The following RAB30 variants were observed in gnomAD, a reference collection of about 807,000 sequenced individuals.
RAB30 encodes the protein ras-related protein Rab-30.
In RAB30, 9 loss-of-function variants were observed where a neutral mutation model predicts 25.1. The ratio of observed to expected loss-of-function variants is 0.36; its 90% CI spans 0.22 to 0.63. The LOEUF is 0.63. RAB30 is among the 20% of genes least tolerant of loss of function. The pLI, the probability that RAB30 is intolerant of heterozygous loss-of-function variation, is 0.69. For synonymous variants in RAB30, 77 were observed against 86.4 expected (o/e 0.89, Z 0.60); for missense variants, 140 against 243.5 (o/e 0.58, Z 2.83).
intron 1 of RAB30, among the ~76,000 whole-genome samples, chr11:83,037,790 A>G (rs1032161344): frequency 1.2e-4 from 18 of 152,210 alleles, no homozygotes; most frequent in African/African-American, 3.9e-4. Flanking sequence ...AAAGGCCTGA[A>G]GCTGCTACTC....
rs764514118 is a variant in RAB30 at position 82,997,338 on chromosome 11, A to G, written c.-8-14T>C. Reference sequence around the variant, plus strand: ...TCATTTACACAGCTGCAAGGCAAACACAGGCAAAAGTGAGAAAGGCCCAGT... The same window carrying G: ...TCATTTACACAGCTGCAAGGCAAACGCAGGCAAAAGTGAGAAAGGCCCAGT... On this transcript the variant is annotated splice_polypyrimidine_tract_variant and intron_variant, in intron 1 of 4. Transcript: ENST00000527633. 6.4e-7 allele frequency: 1 copy of G among 1,564,964 alleles called. No homozygotes were observed. Among genetic ancestry groups the G allele is most frequent in the Non-Finnish European group, 8.8e-7 (1 of 1,135,620 alleles).
At chr11:83,044,734 A>G (rs1380023222) in intron 1 of RAB30, among the ~76,000 whole-genome samples, 2 of 152,214 alleles carry the variant, frequency 1.3e-5, no homozygotes, top group African/African-American at 4.8e-5. Context: ...TGTTTTAGGC[A>G]TCATTGGGCT....
chr11:83,056,774 C>G (rs967826226), intron 1 of RAB30, among the ~76,000 whole-genome samples: 1 of 152,126 alleles, frequency 6.6e-6, no homozygotes. Context: ...TCAGTTTTCT[C>G]ATGTGATTTT....
At position 82,978,959 on chromosome 11, in the gene RAB30, G is replaced by A. The variant is rs944016967; in HGVS notation, c.*3206C>T. ...ACTTTACTCAGGGAGAGATAAAAACGTGAAATGATTAAAAGACCGAGAAAA... is the reference window on the plus strand; with the variant it reads ...ACTTTACTCAGGGAGAGATAAAAACATGAAATGATTAAAAGACCGAGAAAA... On this transcript the variant is annotated 3_prime_UTR_variant, in exon 5 of 5. Transcript: ENST00000527633. 2.6e-5 allele frequency: 4 copies of A among 151,998 alleles called. No homozygotes were observed. Among genetic ancestry groups the A allele is most frequent in the Admixed American group, 1.3e-4 (2 of 15,258 alleles). 9.4% of individuals were successfully genotyped at this position (151,998 alleles called of 1,614,324 possible).
chr11:83,028,263 A>G (rs1857772569), intron 1 of RAB30, among the ~76,000 whole-genome samples: 1 of 152,210 alleles, frequency 6.6e-6, no homozygotes, highest in South Asian at 2.1e-4. Context: ...GGATTGAATG[A>G]TAAAATCGAA....
At chr11:83,044,527 A>G (rs1858196237) in intron 1 of RAB30, among the ~76,000 whole-genome samples, 1 of 151,890 alleles carries the variant, frequency 6.6e-6, no homozygotes, top group Admixed American at 6.6e-5. Context: ...TTTTTTTTTT[A>G]GAAATATCAC....
intron 1 of RAB30, among the ~76,000 whole-genome samples, chr11:83,057,783 T>C (rs1004872587): frequency 2.6e-5 from 4 of 152,342 alleles, no homozygotes; most frequent in Non-Finnish European, 4.4e-5. Context: ...TGCAATTAAA[T>C]GAATTTATAA....
intron 3 of RAB30, among the ~76,000 whole-genome samples, chr11:82,989,153 T>A (rs1210930238): frequency 2.0e-5 from 3 of 152,162 alleles, no homozygotes; most frequent in African/African-American, 4.8e-5. Context: ...CACCTCCCCG[T>A]ATTAATGGAA....
chr11:82,990,771 T>A (rs1329106856), intron 3 of RAB30, among the ~76,000 whole-genome samples: 1 of 152,196 alleles, frequency 6.6e-6, no homozygotes, highest in Non-Finnish European at 1.5e-5. Flanking sequence ...TTCCATTTTT[T>A]TTATTCTGCT....
rs1393476881 is a variant in RAB30 at position 82,976,910 on chromosome 11, C to A, written c.*5255G>T. 1 of 152,152 alleles carries A rather than the reference C, an allele frequency of 6.6e-6. No individual in the cohort carries two copies. The highest frequency in any genetic ancestry group is 1.5e-5 in the Non-Finnish European group (1 of 68,016). The allele number at this position is 152,152 out of a possible 1,614,324, so 9.4% of individuals were successfully genotyped here. On this transcript the variant is annotated 3_prime_UTR_variant, in exon 5 of 5. Coordinates refer to ENST00000527633, the MANE Select transcript of RAB30 (RefSeq NM_001286060.2). ...CTTTCCACATAAAGCAATTTGACCTCAGTTCTTTTAAACTCATGTATTCTC... is the reference window on the plus strand; with the variant it reads ...CTTTCCACATAAAGCAATTTGACCTAAGTTCTTTTAAACTCATGTATTCTC...
intron 1 of RAB30, among the ~76,000 whole-genome samples, chr11:83,047,726 T>C (rs911228896): frequency 1.3e-5 from 2 of 152,212 alleles, no homozygotes; most frequent in African/African-American, 2.4e-5. Context: ...ATCACTGCTA[T>C]GTATAAACCT....
intron 1 of RAB30, among the ~76,000 whole-genome samples, chr11:83,069,584 AGG>A (rs1858785118): frequency 6.6e-6 from 1 of 152,100 alleles, no homozygotes; most frequent in Non-Finnish European, 1.5e-5. Context: ...AGGAAGAAAG[AGG>A]GGGGAAAGAT....
At position 82,978,227 on chromosome 11, in the gene RAB30, G is replaced by C. The variant is rs1310784097; in HGVS notation, c.*3938C>G. 2 of 151,826 alleles carry C rather than the reference G, an allele frequency of 1.3e-5. No homozygotes were observed. The highest frequency in any genetic ancestry group is 2.9e-5 in the Non-Finnish European group (2 of 67,966). The allele number at this position is 151,826 out of a possible 1,614,324, so 9.4% of individuals were successfully genotyped here. A position where few individuals can be genotyped will look rare whatever the true frequency, so the allele number is the denominator to read the frequency against. ...ACAACAACAACAACAAAAAATTTTGGAAAAAAAGGAATGGCAAACTCTAGA... is the reference window on the plus strand; with the variant it reads ...ACAACAACAACAACAAAAAATTTTGCAAAAAAAGGAATGGCAAACTCTAGA... On this transcript the variant is annotated 3_prime_UTR_variant, in exon 5 of 5. Transcript: ENST00000527633.
At chr11:83,045,157 G>A (rs1333874697) in intron 1 of RAB30, among the ~76,000 whole-genome samples, 1 of 152,196 alleles carries the variant, frequency 6.6e-6, no homozygotes, top group Non-Finnish European at 1.5e-5. Flanking sequence ...ATCACCGGAA[G>A]TGTCAACTGT....
chr11:82,991,506 CA>C (rs35298951), intron 3 of RAB30, among the ~76,000 whole-genome samples: 451 of 65,864 alleles, frequency 6.8e-3, no homozygotes, highest in Middle Eastern at 0.015. Context: ...GACCCTTTCT[CA>C]AAAAAAAAAA....
At chr11:82,983,072 A>T (rs900823661) in intron 4 of RAB30, among the ~76,000 whole-genome samples, 1 of 152,148 alleles carries the variant, frequency 6.6e-6, no homozygotes, top group African/African-American at 2.4e-5. Context: ...AAAAAAGCGA[A>T]GCAGAAAAAA....
rs1457990613 is a variant in RAB30, at chr11:83,071,837, C to G, written c.-155G>C. ...GGTGCTGCTGCTACACTTAGCTCAG[C>G]TGGAGCGAGCGGCAATCGCAAGCCC... is the stretch of plus-strand genomic sequence containing the variant. On this transcript the variant is annotated 5_prime_UTR_variant, in exon 1 of 5. Coordinates refer to ENST00000527633, the MANE Select transcript of RAB30 (RefSeq NM_001286060.2). 5.6e-6 allele frequency: 2 copies of G among 358,300 alleles called. No individual in the cohort carries two copies. The highest frequency in any genetic ancestry group is 5.0e-6 in the Non-Finnish European group (1 of 201,336). 22.2% of individuals were successfully genotyped at this position (358,300 alleles called of 1,614,324 possible). A position where few individuals can be genotyped will look rare whatever the true frequency, so the allele number is the denominator to read the frequency against.
chr11:82,990,177 T>G (rs1239595660), intron 3 of RAB30, among the ~76,000 whole-genome samples: 1 of 152,252 alleles, frequency 6.6e-6, no homozygotes, highest in Non-Finnish European at 1.5e-5. Flanking sequence ...CTCTCTTCTC[T>G]GCACCACTAC....
intron 1 of RAB30, among the ~76,000 whole-genome samples, chr11:83,070,968 C>T (rs1386605946): frequency 6.6e-6 from 1 of 152,228 alleles, no homozygotes. Context: ...TTAAAACACA[C>T]AAGCACAAAT....
Sources: allele counts gnomAD v4.1 joint callset (sites outside exome capture counted in the v4.1 genomes callset), GRCh38; gene constraint gnomAD v4.1.1; transcripts MANE v1.5; gene names NCBI Gene and HGNC (gene_info 2026-07-23, HGNC 2026-07-21).